The following YTHDC1 variants were observed in gnomAD, a reference collection of about 807,000 sequenced individuals.
The protein encoded by YTHDC1 is YTH domain-containing protein 1.
A neutral mutation model predicts 107.0 loss-of-function variants in YTHDC1; 12 were observed. The ratio of observed to expected loss-of-function variants is 0.11; its 90% confidence interval spans 0.07 to 0.18. YTHDC1 has a LOEUF of 0.18. Among genes scored for constraint, YTHDC1 ranks in the 10% least tolerant of loss-of-function variants. The probability of loss-of-function intolerance (pLI) is 1.00; values close to 1 mark genes in which losing one functional copy is unlikely to be tolerated. For missense variants in YTHDC1, 635 were observed against 898.8 expected (o/e 0.71, Z 3.75); for synonymous variants, 280 against 289.5 (o/e 0.97, Z 0.33).
At chr4:68,345,655 CTA>C (rs1264377942) in intron 1 of YTHDC1, among the ~76,000 whole-genome samples, 2 of 152,094 alleles carry the variant, frequency 1.3e-5, no homozygotes, top group Non-Finnish European at 2.9e-5. Flanking sequence ...CTTACTTATA[CTA>C]TAGGTAAAAT....
intron 1 of YTHDC1, among the ~76,000 whole-genome samples, chr4:68,339,294 A>G (rs1262398216): frequency 3.3e-5 from 5 of 152,210 alleles, no homozygotes; most frequent in Non-Finnish European, 7.3e-5. Context: ...AAAATCAGAC[A>G]AACCCAAATT....
chr4:68,312,101 A>G lies in YTHDC1; in HGVS notation c.*1998T>C, dbSNP rs1721352284. 6.6e-6 allele frequency: 1 copy of G among 152,188 alleles called. No individual in the cohort carries two copies. The highest frequency in any genetic ancestry group is 1.5e-5 in the Non-Finnish European group (1 of 68,038). The allele number at this position is 152,188 out of a possible 1,614,324, so 9.4% of individuals were successfully genotyped here. A position where few individuals can be genotyped will look rare whatever the true frequency, so the allele number is the denominator to read the frequency against. ...CATGCCACTGCCCTCCACCTGGGCG[A>G]CAGACTCCATCTCCAAAACATTTAT... is the stretch of plus-strand genomic sequence containing the variant. On this transcript the variant is annotated 3_prime_UTR_variant, in exon 17 of 17. Coordinates refer to ENST00000344157, the MANE Select transcript of YTHDC1 (RefSeq NM_001031732.4).
At chr4:68,336,913 G>T in intron 4 of YTHDC1, 114 bp downstream of exon 4, 3 of 1,347,530 alleles carry the variant, frequency 2.2e-6, no homozygotes, top group Non-Finnish European at 3.0e-6. Context: ...AGGATCACAA[G>T]ACAATCCTAT....
chr4:68,323,665 A>AT (rs1722677528), intron 10 of YTHDC1, among the ~76,000 whole-genome samples: 2 of 152,238 alleles, frequency 1.3e-5, no homozygotes, highest in Non-Finnish European at 2.9e-5. Context: ...TACATGTGAG[A>AT]ATTACAAGGG....
At chr4:68,321,992 T>C (rs1424459143) in intron 11 of YTHDC1, among the ~76,000 whole-genome samples, 12 of 152,156 alleles carry the variant, frequency 7.9e-5, no homozygotes, top group Admixed American at 7.9e-4. Flanking sequence ...GGCGATCCTC[T>C]AAAAAACACT....
At chr4:68,346,096 T>TAC (rs1553908079) in intron 1 of YTHDC1, among the ~76,000 whole-genome samples, 6 of 140,410 alleles carry the variant, frequency 4.3e-5, no homozygotes, top group African/African-American at 1.3e-4. Flanking sequence ...TATATATATA[T>TAC]ATATACACAC....
In YTHDC1 at chr4:68,314,349, G is replaced by T. The variant is rs768875305; in HGVS notation, c.1960-26C>A. ...CTAGAAAAGGAAAGAAATGTGTTAG[G>T]TATGTCAAAAAGGCAAATAGTGTTA... On this transcript the variant is annotated intron_variant, in intron 16 of 16. Transcript: ENST00000344157. 3.1e-6 allele frequency: 5 copies of T among 1,610,402 alleles called. No individual in the cohort carries two copies. In the Admixed American group the frequency reaches 6.7e-5, roughly 22 times the overall value.
chr4:68,342,408 C>T (rs765503673), intron 1 of YTHDC1, among the ~76,000 whole-genome samples: 1 of 151,906 alleles, frequency 6.6e-6, no homozygotes, highest in South Asian at 2.1e-4. Flanking sequence ...CCAACAGAGA[C>T]GGGAACAGGT....
rs201650224 is a variant in YTHDC1, at chr4:68,330,088, G to A, written c.1263C>T (p.His421=). 48 of 1,613,512 alleles carry A rather than the reference G, an allele frequency of 3.0e-5. No homozygotes were observed. The Middle Eastern group carries it at 5.0e-4, about 17-fold the overall frequency. Residue 421 remains histidine, a synonymous_variant, in exon 9 of 17, where the codon CAC becomes CAT. Coordinates refer to ENST00000344157, the MANE Select transcript of YTHDC1 (RefSeq NM_001031732.4). ...GCACCCAGTGTATAGGAGATCCTCC[G>A]TGATGTGATTCTGAAGAAAGTCTTG... ...GFARLSSESH[H]GGSPIHWVLP... is the part of the protein sequence containing the mutation.
chr4:68,346,346 C>A (rs1025115971), intron 1 of YTHDC1, among the ~76,000 whole-genome samples: 2 of 152,070 alleles, frequency 1.3e-5, no homozygotes, highest in Non-Finnish European at 2.9e-5. Flanking sequence ...TGAGCCGTGA[C>A]TGCTCCACTG....
Position 68,313,937 on chromosome 4 carries a change from A to T in YTHDC1, c.*162T>A. On this transcript the variant is annotated 3_prime_UTR_variant, in exon 17 of 17. Coordinates refer to ENST00000344157, the MANE Select transcript of YTHDC1 (RefSeq NM_001031732.4). ...GCGGATTTGAGTTTTTCCAGTTCTT[A>T]TGATACTGCATGCTTGGAACAAAGG... 1.3e-6 allele frequency: 1 copy of T among 766,442 alleles called. No homozygotes were observed. Among genetic ancestry groups the T allele is most frequent in the Non-Finnish European group, 2.1e-6 (1 of 476,182 alleles). 47.5% of individuals were successfully genotyped at this position (766,442 alleles called of 1,614,324 possible).
chr4:68,316,899 T>G (rs899673448), intron 15 of YTHDC1, among the ~76,000 whole-genome samples: 1 of 152,196 alleles, frequency 6.6e-6, no homozygotes, highest in African/African-American at 2.4e-5. Flanking sequence ...AGTTCTGCAG[T>G]TGGTAAACTG....
In YTHDC1 at chr4:68,322,694, C is replaced by CCAT; in HGVS notation, c.1601+52_1601+54dup. 1 of 1,550,116 alleles carries CCAT rather than the reference C, an allele frequency of 6.5e-7. No homozygotes were observed. The highest frequency in any genetic ancestry group is 8.8e-7 in the Non-Finnish European group (1 of 1,139,346). On this transcript the variant is annotated intron_variant, in intron 11 of 16. Transcript: ENST00000344157. This position sits in a 1 kb window ranked among gnomAD's most constrained non-coding sequence, Gnocchi z 4.8. Reference sequence around the variant, plus strand: ...CAAACTTTTGACGAATCATATTCCTCCATCATGTTATTCTGATACATGTGC... The same window carrying CCAT: ...CAAACTTTTGACGAATCATATTCCTCCATCATCATGTTATTCTGATACATGTGC...
chr4:68,335,958 T>C (rs1351858965), intron 4 of YTHDC1, among the ~76,000 whole-genome samples: 1 of 149,554 alleles, frequency 6.7e-6, no homozygotes, highest in Non-Finnish European at 1.5e-5. Flanking sequence ...CTGCTCTACC[T>C]ATACTGTATG....
chr4:68,328,091 A>T (rs1723192658), intron 9 of YTHDC1, among the ~76,000 whole-genome samples: 1 of 152,220 alleles, frequency 6.6e-6, no homozygotes, highest in African/African-American at 2.4e-5. Flanking sequence ...GTCAATGAAG[A>T]GGAATATGAA....
intron 7 of YTHDC1, among the ~76,000 whole-genome samples, chr4:68,331,052 G>A (rs1228008434): frequency 6.6e-6 from 1 of 152,082 alleles, no homozygotes; most frequent in Non-Finnish European, 1.5e-5. Flanking sequence ...ATCTGAGGAT[G>A]CTCAAGTCCC....
At position 68,322,981 on chromosome 4, in the gene YTHDC1, G is replaced by A; in HGVS notation, c.1435-66C>T. ...CCTTTCAACAGACTTGCATTTTCCT[G>A]ATGTACCAGAACAAAAACTGACTTG... On this transcript the variant is annotated intron_variant, in intron 10 of 16. Transcript: ENST00000344157. The surrounding 1 kb of genome is among the most constrained non-coding windows in gnomAD (Gnocchi z 4.8). 1 of 1,520,788 alleles carries A rather than the reference G, an allele frequency of 6.6e-7. No individual in the cohort carries two copies. The highest frequency in any genetic ancestry group is 2.3e-5 in the East Asian group (1 of 43,754). 94.2% of individuals were successfully genotyped at this position (1,520,788 alleles called of 1,614,324 possible). A position where few individuals can be genotyped will look rare whatever the true frequency, so the allele number is the denominator to read the frequency against.
intron 9 of YTHDC1, among the ~76,000 whole-genome samples, chr4:68,324,991 TAACC>T (rs33958518): frequency 0.5 from 76,411 of 151,568 alleles, 19,398 homozygotes; most frequent in South Asian, 0.6. Context: ...AGATGACACA[TAACC>T]AACAGTTGTT....
rs1185183945 is a variant in YTHDC1 at position 68,314,129 on chromosome 4, G to C, written c.2154C>G (p.Asp718Glu). The change falls in exon 17 of 17, where the codon GAC (aspartate) becomes GAG (glutamate). Residue 718 changes from aspartate (D) to glutamate (E), a missense_variant. Around this residue, in one of 5 missense-constraint regions of YTHDC1, gnomAD observed 256 missense variants for 372.9 expected, o/e 0.69. Transcript: ENST00000344157. The stretch of plus-strand genomic sequence containing the variant: ...TTCTATATCGACCTCTCTCCCCTCG[G>C]TCTCTGTCTCGATCACATAATCGCT... Reference protein sequence around the residue: ...ERERLCDRDRDRGERGRYRR With the variant: ...ERERLCDRDRERGERGRYRR The C allele has an allele frequency of 4.3e-6, 7 of 1,613,640 alleles. No individual in the cohort carries two copies. Among genetic ancestry groups the C allele is most frequent in the Non-Finnish European group, 5.9e-6 (7 of 1,179,970 alleles).
Sources: gnomAD v4.1 joint callset for allele counts (sites outside exome capture counted in the v4.1 genomes callset) on GRCh38, gnomAD v4.1.1 for gene constraint, gnomAD v4.1.1 regional missense constraint, Gnocchi (gnomAD v3.1) non-coding constraint, MANE v1.5 for transcripts, NCBI Gene and HGNC (gene_info 2026-07-23, HGNC 2026-07-21) for gene names.